POLR3A: variants seen among roughly 807,000 people sequenced by gnomAD.
POLR3A encodes DNA-directed RNA polymerase III subunit RPC1.
In POLR3A, 112 loss-of-function variants were observed where a neutral mutation model predicts 152.8. That is an observed-to-expected ratio of 0.73 (90% confidence interval 0.63 to 0.86). The LOEUF is 0.86. Among genes scored for constraint, POLR3A ranks in the 40% least tolerant of loss-of-function variants. POLR3A has a pLI of 0.00. For synonymous variants in POLR3A, 615 were observed against 652.1 expected (o/e 0.94, Z 0.87); for missense variants, 1,385 against 1,743.1 (o/e 0.79, Z 3.66).
chr10:78,012,363 TCAAA>T (rs917543606), intron 11 of POLR3A, among the ~76,000 whole-genome samples: 8 of 142,166 alleles, frequency 5.6e-5, no homozygotes, highest in African/African-American at 1.8e-4. Flanking sequence ...AAACTCCGTC[TCAAA>T]CAAACAAACA....
Position 77,977,281 on chromosome 10 carries a change from GCA to G in POLR3A, c.*195_*196del, listed in dbSNP as rs1847098081. The G allele has an allele frequency of 1.9e-5, 12 of 647,308 alleles. No individual in the cohort carries two copies. The highest frequency in any genetic ancestry group is 1.6e-4 in the South Asian group (9 of 55,840). The allele number at this position is 647,308 out of a possible 1,614,324, so 40.1% of individuals were successfully genotyped here. A position where few individuals can be genotyped will look rare whatever the true frequency, so the allele number is the denominator to read the frequency against. On this transcript the variant is annotated 3_prime_UTR_variant, in exon 31 of 31. Transcript: ENST00000372371. The stretch of plus-strand genomic sequence containing the variant: ...ACCCTCAGCTCTCCCGAGCAGCGTG[GCA>G]CAGTCAGGGTCACTGGTGTGAGCTG...
rs527916036 is a variant in POLR3A at position 77,988,756 on chromosome 10, G to C, written c.2901+2298C>G. 6.6e-5 allele frequency among the ~76,000 whole-genome samples: 10 copies of C among 152,284 alleles called. No individual in the cohort carries two copies. The South Asian group carries it at 2.1e-3, about 32-fold the overall frequency. On this transcript the variant is annotated intron_variant, in intron 21 of 30. Transcript: ENST00000372371. ...ACTGAATTTTTCCTCTATATATTCA[G>C]TATAAGAGGGGGCTTTGCCTGGCAG...
intron 27 of POLR3A, 35 bp downstream of exon 27, chr10:77,982,618 T>C (rs755123034): frequency 1.3e-6 from 2 of 1,598,016 alleles, no homozygotes; most frequent in South Asian, 2.2e-5. Context: ...CACAGGGAGA[T>C]GCTGGGTCTC....
rs12241228 is a variant in POLR3A, at chr10:77,985,977, C to A, written c.2997G>T (p.Val999=). The A allele has an allele frequency of 0.01, 16,373 of 1,613,958 alleles. 1,437 individuals are homozygous for A. The African/African-American group carries it at 0.19, about 19-fold the overall frequency. ...GGGTGATGCGGTCCAGCTGGTACAG[C>A]ACACGGGGCTGGGAGAATACAAGCC... ...INDNGTTEPR[V]LYQLDRITPT... is the part of the protein sequence containing the mutation. The change falls in exon 23 of 31, where the codon GTG becomes GTT. Residue 999 remains valine (V), a synonymous_variant. Coordinates refer to ENST00000372371, the MANE Select transcript of POLR3A (RefSeq NM_007055.4).
chr10:78,025,585 G>C, intron 3 of POLR3A, 37 bp downstream of exon 3: 1 of 1,611,474 alleles, frequency 6.2e-7, no homozygotes, highest in Non-Finnish European at 8.5e-7. Context: ...AATCACTCCA[G>C]AATTTATGTC....
intron 11 of POLR3A, chr10:78,013,116 T>C (rs892153136): frequency 5.4e-6 from 1 of 185,002 alleles, no homozygotes; most frequent in Non-Finnish European, 1.1e-5. Context: ...GCACTCCTTA[T>C]GCATTTGTCA....
intron 23 of POLR3A, 61 bp from the exon 24 acceptor site, chr10:77,985,401 T>G (rs1430043350): frequency 1.5e-6 from 2 of 1,312,278 alleles, no homozygotes; most frequent in African/African-American, 1.4e-5. Context: ...GCAAAACTGC[T>G]GGGGAGAGGC....
intron 3 of POLR3A, 72 bp from the exon 4 acceptor site, chr10:78,025,214 T>C: frequency 3.2e-6 from 5 of 1,549,844 alleles, no homozygotes; most frequent in Non-Finnish European, 4.4e-6. Context: ...AAAAATGCCA[T>C]CGCCCTGTTT....
chr10:77,997,001 G>C (rs1192594525), intron 19 of POLR3A, among the ~76,000 whole-genome samples: 2 of 152,160 alleles, frequency 1.3e-5, no homozygotes, highest in Non-Finnish European at 2.9e-5. Context: ...TGCAAGGCTG[G>C]TTCCACATAC....
At chr10:78,012,210 C>T (rs1325563176) in intron 11 of POLR3A, among the ~76,000 whole-genome samples, 1 of 151,738 alleles carries the variant, frequency 6.6e-6, no homozygotes, top group African/African-American at 2.4e-5. Flanking sequence ...ACTAAGAGTA[C>T]AAAATTAGCT....
intron 20 of POLR3A, among the ~76,000 whole-genome samples, chr10:77,992,880 AC>A (rs1432794994): frequency 6.7e-6 from 1 of 148,812 alleles, no homozygotes; most frequent in Non-Finnish European, 1.5e-5. Flanking sequence ...AAAAAGCAAA[AC>A]TTTTTTCTTT....
Position 78,021,561 on chromosome 10 carries a change from T to C in POLR3A, c.1170A>G (p.Leu390=), listed in dbSNP as rs148659542. ...VAVPVHVAKI[L]TFPEKVNKAN... ...GGTCACTTACCTTCTCAGGAAAAGTTAGAATTTTGGCCACATGAACTGGCA... is the reference window on the plus strand; with the variant it reads ...GGTCACTTACCTTCTCAGGAAAAGTCAGAATTTTGGCCACATGAACTGGCA... Residue 390 remains leucine, a synonymous_variant, in exon 8 of 31, where the codon CTA becomes CTG. Transcript: ENST00000372371. 63 of 1,614,044 alleles carry C rather than the reference T, an allele frequency of 3.9e-5. No homozygotes were observed. The African/African-American group carries it at 6.0e-4, about 15-fold the overall frequency.
intron 19 of POLR3A, among the ~76,000 whole-genome samples, chr10:77,997,138 A>G (rs901257151): frequency 6.6e-6 from 1 of 152,172 alleles, no homozygotes; most frequent in African/African-American, 2.4e-5. Flanking sequence ...CTCTCAATAA[A>G]TTAGGTATTG....
intron 16 of POLR3A, among the ~76,000 whole-genome samples, chr10:78,003,351 C>G (rs1847375265): frequency 6.6e-6 from 1 of 152,204 alleles, no homozygotes; most frequent in Non-Finnish European, 1.5e-5. Flanking sequence ...CTTCCCAATG[C>G]TTAAAGAGCC....
At chr10:77,981,655 C>A (rs766620398) in intron 28 of POLR3A, 96 bp from the exon 29 acceptor site, 116 of 1,444,224 alleles carry the variant, frequency 8.0e-5, no homozygotes, top group Non-Finnish European at 1.0e-4. Context: ...TCAAAGCAAA[C>A]CCTGTGCCGT....
intron 20 of POLR3A, 57 bp downstream of exon 20, chr10:77,993,140 G>A (rs755270272): frequency 2.9e-4 from 385 of 1,334,980 alleles, no homozygotes; most frequent in Non-Finnish European, 3.9e-4. Flanking sequence ...CAGTACTTCC[G>A]TCCTAAAGAA....
intron 15 of POLR3A, among the ~76,000 whole-genome samples, chr10:78,005,518 G>A (rs763370684): frequency 9.2e-5 from 14 of 152,220 alleles, no homozygotes; most frequent in Non-Finnish European, 1.6e-4. Flanking sequence ...ACAATATACT[G>A]TATGTAGAAA....
Position 78,024,616 on chromosome 10 carries a change from A to T in POLR3A, c.578T>A (p.Phe193Tyr). 6.2e-7 allele frequency: 1 copy of T among 1,613,932 alleles called. No homozygotes were observed. Among genetic ancestry groups the T allele is most frequent in the Non-Finnish European group, 8.5e-7 (1 of 1,179,794 alleles). ...KKVVDPIVSN[F>Y]LQSFETAIEH... ...AATGGCTGTTTCAAAAGACTGAAGG[A>T]AATTTGATACAATGGGATCCACCAC... Residue 193 changes from phenylalanine (F) to tyrosine (Y), a missense_variant, in exon 5 of 31, where the codon TTC becomes TAC. Physicochemically the swap from Phe to Tyr is conservative, Grantham distance 22. Coordinates refer to ENST00000372371, the MANE Select transcript of POLR3A (RefSeq NM_007055.4).
At chr10:78,025,329 C>T (rs1847622184) in intron 3 of POLR3A, among the ~76,000 whole-genome samples, 187 bp from the exon 4 acceptor site, 1 of 152,124 alleles carries the variant, frequency 6.6e-6, no homozygotes, top group African/African-American at 2.4e-5. Context: ...TACTCACAGC[C>T]AGTAGGCAGA....
Sources: allele counts gnomAD v4.1 joint callset (sites outside exome capture counted in the v4.1 genomes callset), GRCh38; gene constraint gnomAD v4.1.1; transcripts MANE v1.5; gene names NCBI Gene and HGNC (gene_info 2026-07-23, HGNC 2026-07-21).